BCKDHB: variants seen among roughly 807,000 people sequenced by gnomAD.
BCKDHB encodes the protein 2-oxoisovalerate dehydrogenase subunit beta, mitochondrial.
Under a neutral mutation model 48.5 loss-of-function variants are expected in BCKDHB, and 41 were observed. The ratio of observed to expected loss-of-function variants is 0.85; its 90% confidence interval spans 0.66 to 1.10. The LOEUF (loss-of-function observed/expected upper bound fraction) is 1.10. BCKDHB is among the 50% of genes least tolerant of loss of function. BCKDHB has a pLI of 0.00. For synonymous variants in BCKDHB, 201 were observed against 174.8 expected (o/e 1.15, Z -1.18); for missense variants, 496 against 494.2 (o/e 1.00, Z -0.03).
At chr6:80,199,244 G>A (rs1339052884) in intron 6 of BCKDHB, among the ~76,000 whole-genome samples, 8 of 152,080 alleles carry the variant, frequency 5.3e-5, no homozygotes, top group Non-Finnish European at 1.0e-4. Context: ...CAGAATCTTG[G>A]ATGCCAGAAA....
chr6:80,360,171 T>A, the BCKDHB span, among the ~76,000 whole-genome samples: 1 of 152,218 alleles, frequency 6.6e-6, no homozygotes, highest in Non-Finnish European at 1.5e-5. Context: ...AGGCTTCAAG[T>A]ACAAATTACT....
At chr6:80,258,234 G>T (rs1046954325) in intron 8 of BCKDHB, among the ~76,000 whole-genome samples, 5 of 152,110 alleles carry the variant, frequency 3.3e-5, no homozygotes, top group Non-Finnish European at 7.4e-5. Flanking sequence ...AAGTTCAGAA[G>T]CATTCAAAGA....
At chr6:80,376,462 A>C in the BCKDHB span, among the ~76,000 whole-genome samples, 4 of 152,202 alleles carry the variant, frequency 2.6e-5, no homozygotes, top group African/African-American at 7.2e-5. Flanking sequence ...GAAAGCAAGC[A>C]GACTCACAGT....
intron 3 of BCKDHB, among the ~76,000 whole-genome samples, chr6:80,138,693 T>C (rs978152642): frequency 2.0e-5 from 3 of 152,216 alleles, no homozygotes; most frequent in African/African-American, 4.8e-5. Flanking sequence ...CAGTCTATCA[T>C]TGTTGGACAT....
At chr6:80,292,606 G>A (rs1309150021) in intron 9 of BCKDHB, among the ~76,000 whole-genome samples, 2 of 151,874 alleles carry the variant, frequency 1.3e-5, no homozygotes, top group Non-Finnish European at 2.9e-5. Flanking sequence ...TTCCACCCCA[G>A]CCCCTCCCAA....
At chr6:80,109,575 C>G (rs140558502) in intron 1 of BCKDHB, among the ~76,000 whole-genome samples, 2 of 152,196 alleles carry the variant, frequency 1.3e-5, no homozygotes, top group African/African-American at 4.8e-5. Flanking sequence ...TTCATGTACA[C>G]TCTTGGATAT....
chr6:80,380,191 A>G, the BCKDHB span, among the ~76,000 whole-genome samples: 11 of 152,126 alleles, frequency 7.2e-5, no homozygotes, highest in African/African-American at 2.7e-4. Context: ...AAATTATATT[A>G]CAAGGCCATA....
At chr6:80,160,836 A>G (rs1167386840) in intron 3 of BCKDHB, among the ~76,000 whole-genome samples, 9 of 152,260 alleles carry the variant, frequency 5.9e-5, no homozygotes, top group Admixed American at 5.2e-4. Context: ...ATGGAGTTAT[A>G]CAAAGCAGGA....
the BCKDHB span, among the ~76,000 whole-genome samples, chr6:80,464,360 C>T: frequency 6.6e-6 from 1 of 152,062 alleles, no homozygotes; most frequent in African/African-American, 2.4e-5. Flanking sequence ...AACTCCTTAG[C>T]TCATGATCCA....
At chr6:80,363,846 T>C in the BCKDHB span, among the ~76,000 whole-genome samples, 1 of 152,202 alleles carries the variant, frequency 6.6e-6, no homozygotes, top group Admixed American at 6.5e-5. Flanking sequence ...AAGAATATGT[T>C]AATATGGCAA....
At chr6:80,180,131 C>G (rs1481514104) in intron 6 of BCKDHB, among the ~76,000 whole-genome samples, 1 of 152,152 alleles carries the variant, frequency 6.6e-6, no homozygotes, top group African/African-American at 2.4e-5. Context: ...ATAAATCGTA[C>G]AGATGAAAAT....
the BCKDHB span, among the ~76,000 whole-genome samples, chr6:80,428,774 C>T: frequency 6.6e-6 from 1 of 152,008 alleles, no homozygotes; most frequent in Non-Finnish European, 1.5e-5. Context: ...GATATTAGCC[C>T]TTTGTCAGAT....
At chr6:80,119,544 C>T (rs572369289) in intron 1 of BCKDHB, among the ~76,000 whole-genome samples, 22 of 152,248 alleles carry the variant, frequency 1.4e-4, no homozygotes, top group Admixed American at 8.5e-4. Context: ...TGGTCTCGAA[C>T]TCCTGGCCTC....
intron 5 of BCKDHB, among the ~76,000 whole-genome samples, chr6:80,170,818 T>C (rs1772876867): frequency 6.6e-6 from 1 of 152,174 alleles, no homozygotes; most frequent in Admixed American, 6.6e-5. Flanking sequence ...TTTTCACTTA[T>C]GAAATGAAGA....
intron 3 of BCKDHB, among the ~76,000 whole-genome samples, chr6:80,147,074 T>A (rs922445693): frequency 2.6e-5 from 4 of 152,156 alleles, no homozygotes; most frequent in African/African-American, 9.6e-5. Flanking sequence ...AGCAAAGTCT[T>A]AGAGTGCTTT....
rs1444150682 is a variant in BCKDHB at position 80,108,238 on chromosome 6, TA to T, written c.196+1350del. ...TCTAAACAATGTACTAAGATGCGTG[TA>T]GATATAATTTACTTGGAGGGCGTCC... On this transcript the variant is annotated intron_variant, in intron 1 of 9. Coordinates refer to ENST00000320393, the MANE Select transcript of BCKDHB (RefSeq NM_183050.4). 5.3e-5 allele frequency among the ~76,000 whole-genome samples: 8 copies of T among 151,834 alleles called. No homozygotes were observed. In the South Asian group the frequency reaches 1.5e-3, roughly 28 times the overall value.
chr6:80,260,467 C>T (rs112374311), intron 8 of BCKDHB, among the ~76,000 whole-genome samples: 162 of 152,158 alleles, frequency 1.1e-3, no homozygotes, highest in Non-Finnish European at 1.8e-3. Context: ...CTGGTAAGGG[C>T]CCTAGGAGTG....
chr6:80,153,868 G>A (rs1199355275), intron 3 of BCKDHB, among the ~76,000 whole-genome samples: 1 of 152,168 alleles, frequency 6.6e-6, no homozygotes, highest in Non-Finnish European at 1.5e-5. Flanking sequence ...CCCATGTATC[G>A]TGATGCCAGA....
chr6:80,453,129 T>C, the BCKDHB span: 1 of 152,214 alleles, frequency 6.6e-6, no homozygotes, highest in Non-Finnish European at 1.5e-5. Context: ...TTATTTCTTT[T>C]TCATGCTTCA....
Sources: allele counts gnomAD v4.1 joint callset (sites outside exome capture counted in the v4.1 genomes callset), GRCh38; gene constraint gnomAD v4.1.1; transcripts MANE v1.5; gene names NCBI Gene and HGNC (gene_info 2026-07-23, HGNC 2026-07-21).